GABRR2: variants seen among roughly 807,000 people sequenced by gnomAD.
GABRR2 encodes gamma-aminobutyric acid type A receptor subunit rho2, also known as gamma-aminobutyric acid receptor subunit rho-2.
GABRR2 carries 36 observed loss-of-function variants against 47.0 expected under a neutral mutation model. That is an observed-to-expected ratio of 0.77 (90% CI 0.59 to 1.01). GABRR2 has a LOEUF of 1.01. Among genes scored for constraint, GABRR2 ranks in the 50% least tolerant of loss-of-function variants. The pLI is 0.00. For missense variants in GABRR2, 587 were observed against 594.6 expected, an observed-to-expected ratio of 0.99 and a Z score of 0.13; for synonymous variants, 204 against 227.5, an observed-to-expected ratio of 0.90 and a Z score of 0.93.
At chr6:89,308,360 C>T (rs939274114) in intron 1 of GABRR2, among the ~76,000 whole-genome samples, 6 of 152,104 alleles carry the variant, frequency 3.9e-5, no homozygotes, top group Non-Finnish European at 8.8e-5. Flanking sequence ...AATGACTGTT[C>T]GGTTTTTCCA....
chr6:89,271,881 G>A (rs1282721501), intron 2 of GABRR2, among the ~76,000 whole-genome samples, 159 bp from the exon 3 acceptor site: 1 of 152,250 alleles, frequency 6.6e-6, no homozygotes, highest in African/African-American at 2.4e-5. Flanking sequence ...GACCTGTTGG[G>A]TGTCTGAGCT....
chr6:89,276,422 C>A (rs1183720211), intron 2 of GABRR2, among the ~76,000 whole-genome samples: 2 of 151,916 alleles, frequency 1.3e-5, no homozygotes, highest in Non-Finnish European at 2.9e-5. Context: ...AAAGAAAATT[C>A]TTTACCTCAA....
intron 2 of GABRR2, among the ~76,000 whole-genome samples, chr6:89,295,285 C>T (rs1231656477): frequency 6.6e-6 from 1 of 152,230 alleles, no homozygotes; most frequent in African/African-American, 2.4e-5. Context: ...TATTTCTCCA[C>T]ATCCTCTCCA....
intron 2 of GABRR2, among the ~76,000 whole-genome samples, chr6:89,275,769 CA>C (rs1774148009): frequency 6.6e-6 from 1 of 152,104 alleles, no homozygotes; most frequent in Non-Finnish European, 1.5e-5. Context: ...GATTAGGGCC[CA>C]AGTGCTCATT....
At position 89,265,685 on chromosome 6, in the gene GABRR2, T is replaced by A. The variant is rs201600421; in HGVS notation, c.817A>T (p.Thr273Ser). 6.2e-7 allele frequency: 1 copy of A among 1,613,794 alleles called. No homozygotes were observed. Among genetic ancestry groups the A allele is most frequent in the East Asian group, 2.2e-5 (1 of 44,868 alleles). Residue 273 changes from threonine to serine, a missense_variant, in exon 7 of 9, where the codon ACT becomes TCT. By Grantham distance (58) the Thr-to-Ser change is moderately conservative. Coordinates refer to ENST00000402938, the MANE Select transcript of GABRR2 (RefSeq NM_002043.5). ...FFLLQTYFPA[T>S]LMVMLSWVSF... ...ACCCAGGACAGCATGACCATCAGAG[T>A]GGCAGGGAAATATGTTTGGAGCAAG...
intron 1 of GABRR2, chr6:89,302,316 G>A (rs1562388247): frequency 1.8e-6 from 1 of 563,548 alleles, no homozygotes; most frequent in South Asian, 1.4e-5. Context: ...CTGTGGTGGA[G>A]CCCTACAACC....
chr6:89,303,662 A>C (rs915654375), intron 1 of GABRR2, among the ~76,000 whole-genome samples: 1 of 151,390 alleles, frequency 6.6e-6, no homozygotes, highest in Non-Finnish European at 1.5e-5. Flanking sequence ...AAAAAAAAAA[A>C]AAAAAAACCC....
chr6:89,303,718 G>T (rs1329072269), intron 1 of GABRR2, among the ~76,000 whole-genome samples: 1 of 148,866 alleles, frequency 6.7e-6, no homozygotes, highest in Non-Finnish European at 1.5e-5. Flanking sequence ...ATACTACAAG[G>T]CTATGGTAAC....
intron 1 of GABRR2, among the ~76,000 whole-genome samples, chr6:89,303,659 A>C (rs1458479144): frequency 6.6e-6 from 1 of 151,510 alleles, no homozygotes; most frequent in South Asian, 2.1e-4. Context: ...AAAAAAAAAA[A>C]AAAAAAAAAA....
chr6:89,267,984 A>T, intron 5 of GABRR2, 30 bp downstream of exon 5: 4 of 1,601,086 alleles, frequency 2.5e-6, no homozygotes, highest in Non-Finnish European at 3.4e-6. Flanking sequence ...GAGGAAAGAA[A>T]GTGAAGGAAT....
Position 89,264,339 on chromosome 6 carries a change from C to T in GABRR2, c.1086+73G>A, listed in dbSNP as rs534479552. Reference sequence around the variant, plus strand: ...TTTCTACATGCAACCCCTGCCTCTGCCCCCTGGCCCAGAAGACCTTCATTT... The same window carrying T: ...TTTCTACATGCAACCCCTGCCTCTGTCCCCTGGCCCAGAAGACCTTCATTT... On this transcript the variant is annotated intron_variant, in intron 8 of 8. Transcript: ENST00000402938. The T allele has an allele frequency of 1.1e-5, 16 of 1,485,954 alleles. No homozygotes were observed. In the Admixed American group the frequency reaches 1.4e-4, roughly 13 times the overall value. The allele number at this position is 1,485,954 out of a possible 1,614,324, so 92.0% of individuals were successfully genotyped here. A position where few individuals can be genotyped will look rare whatever the true frequency, so the allele number is the denominator to read the frequency against.
chr6:89,302,577 C>T, intron 1 of GABRR2: 1 of 1,039,316 alleles, frequency 9.6e-7, no homozygotes, highest in African/African-American at 1.6e-5. Flanking sequence ...TTCTTCATGC[C>T]AGGCATGAAG....
At chr6:89,266,562 T>C (rs1773900123) in intron 6 of GABRR2, among the ~76,000 whole-genome samples, 1 of 152,324 alleles carries the variant, frequency 6.6e-6, no homozygotes, top group African/African-American at 2.4e-5. Context: ...ATTTGGGACA[T>C]GAGGTAATGA....
At chr6:89,305,356 T>G (rs1274431261) in intron 1 of GABRR2, among the ~76,000 whole-genome samples, 2 of 151,444 alleles carry the variant, frequency 1.3e-5, no homozygotes, top group East Asian at 3.9e-4. Context: ...GTAATACACA[T>G]ATACCATGAA....
At chr6:89,272,239 G>A (rs868715664) in intron 2 of GABRR2, among the ~76,000 whole-genome samples, 21 of 152,364 alleles carry the variant, frequency 1.4e-4, no homozygotes, top group Middle Eastern at 3.4e-3. Flanking sequence ...AACCCAGGGT[G>A]AGACAAGATC....
chr6:89,271,576 C>T, intron 3 of GABRR2, 79 bp downstream of exon 3: 1 of 1,291,086 alleles, frequency 7.7e-7, no homozygotes, highest in Non-Finnish European at 1.1e-6. Flanking sequence ...CCCGCTCTGC[C>T]CACACAGGCA....
At chr6:89,270,019 G>A (rs191027027) in intron 3 of GABRR2, among the ~76,000 whole-genome samples, 1 of 152,306 alleles carries the variant, frequency 6.6e-6, no homozygotes, top group African/African-American at 2.4e-5. Context: ...GTTGTGGTGG[G>A]CCCAGAGGGA....
At chr6:89,281,838 G>A (rs977447494) in intron 2 of GABRR2, among the ~76,000 whole-genome samples, 1 of 152,086 alleles carries the variant, frequency 6.6e-6, no homozygotes, top group Non-Finnish European at 1.5e-5. Flanking sequence ...CAAATCCATG[G>A]TCCTCTGGCC....
At chr6:89,304,506 T>C (rs113322582) in intron 1 of GABRR2, among the ~76,000 whole-genome samples, 201 of 151,670 alleles carry the variant, frequency 1.3e-3, no homozygotes, top group African/African-American at 4.6e-3. Context: ...CGAGAATCAC[T>C]TGAACCTGGG....
Sources: gnomAD v4.1 joint callset for allele counts (sites outside exome capture counted in the v4.1 genomes callset) on GRCh38, gnomAD v4.1.1 for gene constraint, MANE v1.5 for transcripts, NCBI Gene and HGNC (gene_info 2026-07-23, HGNC 2026-07-21) for gene names.